Variants in TRIM55 observed in about 807,000 individuals in gnomAD.
TRIM55 encodes the protein tripartite motif containing 55, also known as tripartite motif-containing protein 55.
Under a neutral mutation model 60.9 loss-of-function variants are expected in TRIM55, and 50 were observed. That is an observed-to-expected ratio of 0.82 (90% CI 0.65 to 1.04). TRIM55 has a LOEUF of 1.04. Ranked by LOEUF, TRIM55 falls within the 50% of genes least tolerant of loss-of-function variation. The pLI, the probability that TRIM55 is intolerant of heterozygous loss-of-function variation, is 0.00. For synonymous variants in TRIM55, 237 were observed against 238.1 expected (o/e 1.00, Z 0.04); for missense variants, 681 against 666.9 (o/e 1.02, Z -0.23).
chr8:66,158,398 C>A (rs867027714), intron 9 of TRIM55, among the ~76,000 whole-genome samples: 2 of 152,088 alleles, frequency 1.3e-5, no homozygotes, highest in South Asian at 2.1e-4. Flanking sequence ...ATTCTTCAAG[C>A]CTGAAAAATA....
chr8:66,128,612 G>A lies in TRIM55; in HGVS notation c.341+136G>A, dbSNP rs1441386037. On this transcript the variant is annotated intron_variant, in intron 2 of 9. Coordinates refer to ENST00000315962, the MANE Select transcript of TRIM55 (RefSeq NM_184085.2). ...TATGGAAAAATGGTTTTCCAAGTCA[G>A]TCCTTCCCAGTGAGACTGAGAGTTG... 5 of 898,988 alleles carry A rather than the reference G, an allele frequency of 5.6e-6. No homozygotes were observed. In the African/African-American group the frequency reaches 6.8e-5, roughly 12 times the overall value. 55.7% of individuals were successfully genotyped at this position (898,988 alleles called of 1,614,324 possible).
chr8:66,150,488 T>G, intron 7 of TRIM55, 22 bp downstream of exon 7: 1 of 1,613,064 alleles, frequency 6.2e-7, no homozygotes. Context: ...TTTTGACCAT[T>G]TGGCCGAAGT....
At position 66,128,313 on chromosome 8, in the gene TRIM55, C is replaced by A. The variant is rs267601968; in HGVS notation, c.178C>A (p.Pro60Thr). ...CASDIFQASN[P>T]YLPTRGGTTM... ...TACTTGGCAAGAACAGGCCTCTAAC[C>A]CGTATTTGCCCACAAGAGGAGGTAC... The change falls in exon 2 of 10, where the codon CCG becomes ACG. Residue 60 changes from proline to threonine, a missense_variant. By Grantham distance (38) the Pro-to-Thr change is conservative. Transcript: ENST00000315962. 6.2e-7 allele frequency: 1 copy of A among 1,604,060 alleles called. No homozygotes were observed. The highest frequency in any genetic ancestry group is 8.5e-7 in the Non-Finnish European group (1 of 1,175,568).
At chr8:66,113,599 A>G in the TRIM55 span, 1 of 456,082 alleles carries the variant, frequency 2.2e-6, no homozygotes, top group East Asian at 7.0e-5. Flanking sequence ...CCTGCACGGT[A>G]ATTCTTTTTA....
intron 1 of TRIM55, among the ~76,000 whole-genome samples, 167 bp downstream of exon 1, chr8:66,127,603 G>C (rs1345559512): frequency 1.3e-5 from 2 of 152,054 alleles, no homozygotes; most frequent in Non-Finnish European, 2.9e-5. Context: ...GAGGCCAGTG[G>C]ATCACCTGAG....
At chr8:66,168,919 A>G (rs1319303738) in intron 9 of TRIM55, among the ~76,000 whole-genome samples, 1 of 152,242 alleles carries the variant, frequency 6.6e-6, no homozygotes, top group African/African-American at 2.4e-5. Flanking sequence ...GTTGCAATGC[A>G]TCTTCTCAGC....
chr8:66,115,992 G>C, the TRIM55 span, among the ~76,000 whole-genome samples: 1 of 152,188 alleles, frequency 6.6e-6, no homozygotes, highest in East Asian at 1.9e-4. Flanking sequence ...TCAGCACCTA[G>C]AGGCCGGGCA....
chr8:66,122,545 G>C (rs1252324607), upstream of TRIM55, among the ~76,000 whole-genome samples: 2 of 152,030 alleles, frequency 1.3e-5, no homozygotes, highest in Non-Finnish European at 2.9e-5. Context: ...CTCAACCTTG[G>C]CAAAATTAAC....
chr8:66,118,351 A>T, the TRIM55 span, among the ~76,000 whole-genome samples: 1 of 151,890 alleles, frequency 6.6e-6, no homozygotes, highest in Non-Finnish European at 1.5e-5. Context: ...CATCTAATGA[A>T]AGAAATGCCA....
intron 4 of TRIM55, among the ~76,000 whole-genome samples, chr8:66,141,591 G>A (rs1166857230): frequency 2.0e-5 from 3 of 152,170 alleles, no homozygotes; most frequent in African/African-American, 7.2e-5. Context: ...TACCTCTTGT[G>A]AACTTTACCA....
rs755570838 is a variant in TRIM55, at chr8:66,174,638, A to G, written c.*45A>G. ...CCCTCTGTCTGCCTGGCTGAGATGC[A>G]TGTGGGCAGCAGGAAGCCCAAGTGA... On this transcript the variant is annotated 3_prime_UTR_variant, in exon 10 of 10. Transcript: ENST00000315962. 3 of 1,531,772 alleles carry G rather than the reference A, an allele frequency of 2.0e-6. No homozygotes were observed. Among genetic ancestry groups the G allele is most frequent in the Non-Finnish European group, 2.6e-6 (3 of 1,142,478 alleles). 94.9% of individuals were successfully genotyped at this position (1,531,772 alleles called of 1,614,324 possible).
At chr8:66,113,983 C>T in the TRIM55 span, among the ~76,000 whole-genome samples, 10 of 151,666 alleles carry the variant, frequency 6.6e-5, no homozygotes, top group South Asian at 2.1e-4. Flanking sequence ...AAGCTGTGCC[C>T]GCTCCCTTCG....
At chr8:66,163,945 C>G (rs542260933) in intron 9 of TRIM55, among the ~76,000 whole-genome samples, 1 of 151,782 alleles carries the variant, frequency 6.6e-6, no homozygotes, top group Non-Finnish European at 1.5e-5. Context: ...TGTTTGGAAA[C>G]TGTTTAGGTA....
intron 2 of TRIM55, among the ~76,000 whole-genome samples, chr8:66,134,567 C>A (rs1809367181): frequency 6.6e-6 from 1 of 152,074 alleles, no homozygotes; most frequent in Admixed American, 6.6e-5. Context: ...GGAAAGTGTC[C>A]CTTGAGAAAC....
chr8:66,161,368 C>T (rs767267480), intron 9 of TRIM55, among the ~76,000 whole-genome samples: 1 of 152,172 alleles, frequency 6.6e-6, no homozygotes, highest in Non-Finnish European at 1.5e-5. Context: ...GTTCTCTATT[C>T]TGTTCCATTG....
chr8:66,132,378 G>A (rs1020407284), intron 2 of TRIM55, among the ~76,000 whole-genome samples: 11 of 152,202 alleles, frequency 7.2e-5, no homozygotes, highest in African/African-American at 1.4e-4. Context: ...GCTTGAACCC[G>A]GGAAGGTGGA....
chr8:66,167,870 C>T (rs116465819), intron 9 of TRIM55, among the ~76,000 whole-genome samples: 3 of 152,144 alleles, frequency 2.0e-5, no homozygotes, highest in Non-Finnish European at 2.9e-5. Context: ...CACCCAGCCT[C>T]CTGAGTAGCT....
chr8:66,154,348 C>A lies in TRIM55; in HGVS notation c.1524+14C>A. The stretch of plus-strand genomic sequence containing the variant: ...GCTACTTCTCAGGTTAGTGATGATG[C>A]ACTTGTGTCTATGCTTTCCCGCGCC... On this transcript the variant is annotated intron_variant, in intron 9 of 9. Coordinates refer to ENST00000315962, the MANE Select transcript of TRIM55 (RefSeq NM_184085.2). 1 of 1,611,838 alleles carries A rather than the reference C, an allele frequency of 6.2e-7. No homozygotes were observed. The highest frequency in any genetic ancestry group is 8.5e-7 in the Non-Finnish European group (1 of 1,178,302).
rs564041637 is a variant in TRIM55 at position 66,159,200 on chromosome 8, G to A, written c.1524+4866G>A. 3.9e-5 allele frequency among the ~76,000 whole-genome samples: 6 copies of A among 152,170 alleles called. 1 individual carries two copies. The highest frequency in any genetic ancestry group is 9.6e-5 in the African/African-American group (4 of 41,526). Reference sequence around the variant, plus strand: ...GTCTTTACCATTAAATCCCTTCCCCGCATCCCTGCCTCTGGCAACCACTGA... The same window carrying A: ...GTCTTTACCATTAAATCCCTTCCCCACATCCCTGCCTCTGGCAACCACTGA... On this transcript the variant is annotated intron_variant, in intron 9 of 9. Transcript: ENST00000315962.
Sources: allele counts gnomAD v4.1 joint callset (sites outside exome capture counted in the v4.1 genomes callset), GRCh38; gene constraint gnomAD v4.1.1; transcripts MANE v1.5; gene names NCBI Gene and HGNC (gene_info 2026-07-23, HGNC 2026-07-21).